Variants in PPP1R42 observed in about 807,000 individuals in gnomAD.
PPP1R42 encodes protein phosphatase 1 regulatory subunit 42.
PPP1R42 carries 34 observed loss-of-function variants against 31.0 expected under a neutral mutation model. The observed-to-expected ratio is 1.10, with a 90% CI of 0.83 to 1.46. The LOEUF is 1.46. Among genes scored for constraint, PPP1R42 ranks in the 40% most tolerant of loss-of-function variants. The probability of loss-of-function intolerance (pLI) is 0.00; values close to 1 mark genes in which losing one functional copy is unlikely to be tolerated. For missense variants in PPP1R42, 268 were observed against 303.0 expected, an observed-to-expected ratio of 0.88 and a Z score of 0.86; for synonymous variants, 103 against 109.8, an observed-to-expected ratio of 0.94 and a Z score of 0.39.
At chr8:66,975,587 A>C (rs745959797) in intron 7 of PPP1R42, among the ~76,000 whole-genome samples, 1 of 152,136 alleles carries the variant, frequency 6.6e-6, no homozygotes, top group Non-Finnish European at 1.5e-5. Flanking sequence ...CAGAGGTTGC[A>C]ATGAACTGAG....
intron 3 of PPP1R42, among the ~76,000 whole-genome samples, chr8:67,013,587 G>T (rs1815910474): frequency 6.6e-6 from 1 of 151,428 alleles, no homozygotes; most frequent in African/African-American, 2.4e-5. Flanking sequence ...AGTTATTGTG[G>T]TGCATACTTG....
chr8:66,969,277 A>T (rs188242007), intron 7 of PPP1R42, among the ~76,000 whole-genome samples: 5 of 152,328 alleles, frequency 3.3e-5, no homozygotes, highest in African/African-American at 9.6e-5. Context: ...TTCTTCCTTG[A>T]TGATATACTA....
intron 7 of PPP1R42, among the ~76,000 whole-genome samples, chr8:66,967,195 C>T (rs1814407333): frequency 6.6e-6 from 1 of 152,084 alleles, no homozygotes; most frequent in Non-Finnish European, 1.5e-5. Flanking sequence ...TGGTTTCGAA[C>T]TCCTGGACTC....
In PPP1R42 at chr8:67,017,667, C is replaced by A; in HGVS notation, c.81G>T (p.Leu27=). 6.3e-7 allele frequency: 1 copy of A among 1,595,506 alleles called. No homozygotes were observed. The highest frequency in any genetic ancestry group is 8.5e-7 in the Non-Finnish European group (1 of 1,171,548). ...AAAAATTTATATGAGTTATTTTCTT[C>A]AGGCACTGTGAAATGGTTTCTTCTT... ...PRKEETISQC[L]KKITHINFSD... is the part of the protein sequence containing the mutation. The change falls in exon 2 of 8, where the codon CTG becomes CTT. Residue 27 remains leucine (L), a synonymous_variant. Transcript: ENST00000685739.
At chr8:66,989,029 T>G (rs577694693) in intron 5 of PPP1R42, among the ~76,000 whole-genome samples, 4 of 152,306 alleles carry the variant, frequency 2.6e-5, no homozygotes, top group Admixed American at 2.0e-4. Context: ...ATCATTTGTA[T>G]GCTTATCATG....
intron 6 of PPP1R42, among the ~76,000 whole-genome samples, chr8:66,987,765 T>C (rs769955179): frequency 5.9e-5 from 9 of 152,160 alleles, no homozygotes; most frequent in Non-Finnish European, 1.3e-4. Context: ...TGTCACTCTA[T>C]TTGGTGAGGA....
At chr8:67,001,591 C>T (rs910207998) in intron 5 of PPP1R42, among the ~76,000 whole-genome samples, 8 of 151,766 alleles carry the variant, frequency 5.3e-5, no homozygotes, top group East Asian at 1.9e-4. Context: ...TAAAAATCTT[C>T]GACTATATTT....
At chr8:66,981,062 G>A (rs565443199) in intron 7 of PPP1R42, among the ~76,000 whole-genome samples, 1 of 152,154 alleles carries the variant, frequency 6.6e-6, no homozygotes, top group South Asian at 2.1e-4. Context: ...GGATGGTCTT[G>A]AACTCCTGAC....
intron 5 of PPP1R42, among the ~76,000 whole-genome samples, chr8:66,999,851 T>A (rs184133293): frequency 8.2e-4 from 125 of 152,368 alleles, no homozygotes; most frequent in Middle Eastern, 6.8e-3. Flanking sequence ...ATTTATGTCT[T>A]GCAAGTAATA....
intron 1 of PPP1R42, among the ~76,000 whole-genome samples, chr8:67,019,743 C>T (rs1816151755): frequency 6.6e-6 from 1 of 151,398 alleles, no homozygotes; most frequent in South Asian, 2.1e-4. Flanking sequence ...AAAAAATTAG[C>T]CAGGCATGGT....
At chr8:66,974,282 C>T (rs1814612514) in intron 7 of PPP1R42, among the ~76,000 whole-genome samples, 1 of 152,140 alleles carries the variant, frequency 6.6e-6, no homozygotes, top group Non-Finnish European at 1.5e-5. Flanking sequence ...CATCTGGGCA[C>T]AATGGCTTAT....
chr8:67,009,660 T>C (rs1010467058), intron 5 of PPP1R42, among the ~76,000 whole-genome samples: 2 of 152,230 alleles, frequency 1.3e-5, no homozygotes, highest in African/African-American at 4.8e-5. Context: ...AAACAACTAA[T>C]TGAGTTGTGC....
intron 5 of PPP1R42, among the ~76,000 whole-genome samples, chr8:66,999,035 A>G (rs1157617280): frequency 1.3e-5 from 2 of 152,076 alleles, no homozygotes; most frequent in Non-Finnish European, 2.9e-5. Flanking sequence ...GTTGGGAAGT[A>G]GTCCCTGCTT....
intron 7 of PPP1R42, 103 bp downstream of exon 7, chr8:66,981,942 CAACA>C: frequency 1.7e-6 from 2 of 1,171,056 alleles, no homozygotes; most frequent in Non-Finnish European, 2.2e-6. Context: ...AAAACAACAA[CAACA>C]AAAAACTAAA....
chr8:67,012,221 G>T (rs1370295760), intron 4 of PPP1R42, among the ~76,000 whole-genome samples: 1 of 152,062 alleles, frequency 6.6e-6, no homozygotes, highest in Non-Finnish European at 1.5e-5. Flanking sequence ...GGGCGACAGG[G>T]TTTTTTTAAT....
intron 5 of PPP1R42, among the ~76,000 whole-genome samples, chr8:66,989,647 G>A (rs1455157964): frequency 2.0e-5 from 3 of 152,120 alleles, no homozygotes; most frequent in African/African-American, 2.4e-5. Flanking sequence ...TGCACATGTT[G>A]CTTTTAAAAT....
intron 5 of PPP1R42, among the ~76,000 whole-genome samples, chr8:67,003,659 A>G (rs1369087149): frequency 6.6e-6 from 1 of 152,200 alleles, no homozygotes; most frequent in Non-Finnish European, 1.5e-5. Flanking sequence ...ACTTAAAAAC[A>G]TATTTCTCCA....
intron 5 of PPP1R42, among the ~76,000 whole-genome samples, chr8:66,990,588 C>T (rs548948611): frequency 2.0e-5 from 3 of 152,322 alleles, no homozygotes; most frequent in African/African-American, 7.2e-5. Flanking sequence ...CTGCAAAATA[C>T]TAAGGAGCAA....
At chr8:67,025,692 A>G (rs1389897415) in intron 1 of PPP1R42, among the ~76,000 whole-genome samples, 1 of 152,142 alleles carries the variant, frequency 6.6e-6, no homozygotes, top group African/African-American at 2.4e-5. Context: ...AGAGTTGTAT[A>G]CTTGCATACT....
Sources: allele counts gnomAD v4.1 joint callset (sites outside exome capture counted in the v4.1 genomes callset), GRCh38; gene constraint gnomAD v4.1.1; transcripts MANE v1.5; gene names NCBI Gene and HGNC (gene_info 2026-07-23, HGNC 2026-07-21).